Variants in SLC25A32 observed in about 807,000 individuals in gnomAD.
SLC25A32 encodes solute carrier family 25 member 32, also known as Glycine auxotroph B, complementation of hamster.
A neutral mutation model predicts 39.0 loss-of-function variants in SLC25A32; 32 were observed. The observed-to-expected ratio is 0.82, with a 90% CI of 0.62 to 1.10. The LOEUF is 1.10. SLC25A32 is among the 50% of genes least tolerant of loss of function. The probability of loss-of-function intolerance (pLI) is 0.00; values close to 1 mark genes in which losing one functional copy is unlikely to be tolerated. For missense variants in SLC25A32, 367 were observed against 395.3 expected (o/e 0.93, Z 0.61); for synonymous variants, 166 against 152.4 (o/e 1.09, Z -0.66).
At chr8:103,413,137 C>T (rs1456696344) in intron 1 of SLC25A32, among the ~76,000 whole-genome samples, 1 of 152,206 alleles carries the variant, frequency 6.6e-6, no homozygotes, top group African/African-American at 2.4e-5. Flanking sequence ...TTCATCAAGA[C>T]TATTAATCTT....
rs763955483 is a variant in SLC25A32 at position 103,404,839 on chromosome 8, T to C, written c.328A>G (p.Lys110Glu). 2.5e-6 allele frequency: 4 copies of C among 1,612,420 alleles called. No individual in the cohort carries two copies. The highest frequency in any genetic ancestry group is 3.4e-6 in the Non-Finnish European group (4 of 1,178,588). ...AAACGTTCAGCTCTTCCTTCTGTTT[T>C]ATATGACTTGATGGCATTGTAACTA... ...FFFYNAIKSYKTEGRAERLEA... is the reference protein window; with the variant it reads ...FFFYNAIKSYETEGRAERLEA... Residue 110 changes from lysine to glutamate, a missense_variant, in exon 3 of 7, where the codon AAA (lysine) becomes GAA (glutamate). Coordinates refer to ENST00000297578, the MANE Select transcript of SLC25A32 (RefSeq NM_030780.5).
Position 103,401,636 on chromosome 8 carries a change from G to C in SLC25A32, c.692C>G (p.Ala231Gly). The change falls in exon 6 of 7, where the codon GCA (alanine) becomes GGA (glycine). Residue 231 changes from alanine to glycine, a missense_variant. Transcript: ENST00000297578. ...QLSTVEYISVAALSKIFAVAA... is the reference protein window; with the variant it reads ...QLSTVEYISVGALSKIFAVAA... ...GACAGCAAATATTTTGGATAGTGCTGCAACAGATATATATTCTACTGTGCT... is the reference window on the plus strand; with the variant it reads ...GACAGCAAATATTTTGGATAGTGCTCCAACAGATATATATTCTACTGTGCT... 6.2e-7 allele frequency: 1 copy of C among 1,612,788 alleles called. No homozygotes were observed. Among genetic ancestry groups the C allele is most frequent in the Non-Finnish European group, 8.5e-7 (1 of 1,179,372 alleles).
In SLC25A32 at chr8:103,407,686, C is replaced by G. The variant is rs762532485; in HGVS notation, c.253G>C (p.Val85Leu). The part of the protein sequence containing the change: ...LDGLRGLYQG[V>L]TPNIWGAGLS... ...CCTGCACCCCATATATTTGGGGTTA[C>G]TCCTTGATAAAGTCCCCGTAGTCCA... The change falls in exon 2 of 7, where the codon GTA becomes CTA. Residue 85 changes from valine to leucine, a missense_variant. By Grantham distance (32) the Val-to-Leu change is conservative. Transcript: ENST00000297578. 3 of 1,611,354 alleles carry G rather than the reference C, an allele frequency of 1.9e-6. No homozygotes were observed. The highest frequency in any genetic ancestry group is 2.5e-6 in the Non-Finnish European group (3 of 1,178,388).
intron 4 of SLC25A32, 126 bp from the exon 5 acceptor site, chr8:103,402,180 C>A: frequency 1.7e-6 from 1 of 602,818 alleles, no homozygotes; most frequent in South Asian, 2.7e-5. Context: ...TTGCACAAAT[C>A]ACATTTTTAA....
chr8:103,409,196 C>T (rs1816405140), intron 1 of SLC25A32, among the ~76,000 whole-genome samples: 1 of 152,074 alleles, frequency 6.6e-6, no homozygotes, highest in South Asian at 2.1e-4. Flanking sequence ...TCTCAGTAAT[C>T]GGCAACGGCA....
intron 1 of SLC25A32, among the ~76,000 whole-genome samples, chr8:103,409,219 CATACCATTCTACATT>C (rs72006676): frequency 0.22 from 34,056 of 152,082 alleles, 4,026 homozygotes; most frequent in Middle Eastern, 0.31. Flanking sequence ...CTACATTATG[CATACCATTCTACATT>C]ATACTACAGG....
At chr8:103,411,036 T>C (rs770207648) in intron 1 of SLC25A32, among the ~76,000 whole-genome samples, 16 of 152,196 alleles carry the variant, frequency 1.1e-4, no homozygotes, top group Non-Finnish European at 1.5e-4. Flanking sequence ...ATTGAACAGA[T>C]TGCCAGTATC....
At position 103,414,663 on chromosome 8, in the gene SLC25A32, C is replaced by G. The variant is rs190381842; in HGVS notation, c.154+121G>C. Reference sequence around the variant, plus strand: ...TTTCCTCAAATCTAGTTCAGGTTAGCCAACGCGGACAGCAACGCTCCCTTC... The same window carrying G: ...TTTCCTCAAATCTAGTTCAGGTTAGGCAACGCGGACAGCAACGCTCCCTTC... On this transcript the variant is annotated intron_variant, in intron 1 of 6. Coordinates refer to ENST00000297578, the MANE Select transcript of SLC25A32 (RefSeq NM_030780.5). The G allele has an allele frequency of 1.4e-3, 1,990 of 1,384,706 alleles. 23 individuals carry two copies. In the African/African-American group the frequency reaches 0.027, roughly 19 times the overall value. The allele number at this position is 1,384,706 out of a possible 1,614,324, so 85.8% of individuals were successfully genotyped here.
chr8:103,414,909 C>G lies in SLC25A32; in HGVS notation c.29G>C (p.Gly10Ala). 1.2e-6 allele frequency: 2 copies of G among 1,610,390 alleles called. No homozygotes were observed. The highest frequency in any genetic ancestry group is 1.7e-6 in the Non-Finnish European group (2 of 1,178,746). ...GAATACCGTGCTCCACGCCGACGACCCGGACGCCGACTGGCCCTGGCCCGT... is the reference window on the plus strand; with the variant it reads ...GAATACCGTGCTCCACGCCGACGACGCGGACGCCGACTGGCCCTGGCCCGT... MTGQGQSAS[G>A]SSAWSTVFRH... The change falls in exon 1 of 7, where the codon GGG (glycine) becomes GCG (alanine). Residue 10 changes from glycine to alanine, a missense_variant. Coordinates refer to ENST00000297578, the MANE Select transcript of SLC25A32 (RefSeq NM_030780.5).
chr8:103,412,927 G>A (rs961059288), intron 1 of SLC25A32, among the ~76,000 whole-genome samples: 1 of 152,130 alleles, frequency 6.6e-6, no homozygotes, highest in Non-Finnish European at 1.5e-5. Flanking sequence ...ACTCAGCACT[G>A]ATGTTGATAA....
At chr8:103,403,646 A>G (rs1266244325) in intron 3 of SLC25A32, among the ~76,000 whole-genome samples, 6 of 152,204 alleles carry the variant, frequency 3.9e-5, no homozygotes, top group Admixed American at 3.9e-4. Context: ...GGCCTGGTGC[A>G]GAGAACAGAT....
chr8:103,404,034 A>T (rs1438018028), intron 3 of SLC25A32, among the ~76,000 whole-genome samples: 1 of 152,220 alleles, frequency 6.6e-6, no homozygotes, highest in African/African-American at 2.4e-5. Context: ...TTGACTAATC[A>T]ACATTAAGAA....
intron 1 of SLC25A32, among the ~76,000 whole-genome samples, chr8:103,409,911 C>T (rs896844728): frequency 6.6e-6 from 1 of 152,152 alleles, no homozygotes; most frequent in Non-Finnish European, 1.5e-5. Flanking sequence ...AATCATGTAC[C>T]TCACCGGGTT....
chr8:103,401,743 A>G, intron 5 of SLC25A32, 82 bp from the exon 6 acceptor site: 1 of 1,236,686 alleles, frequency 8.1e-7, no homozygotes, highest in East Asian at 2.4e-5. Flanking sequence ...TACAAAAAAC[A>G]TTTAAATGGA....
At chr8:103,414,709 A>G in intron 1 of SLC25A32, 75 bp downstream of exon 1, 2 of 1,590,806 alleles carry the variant, frequency 1.3e-6, no homozygotes, top group South Asian at 2.2e-5. Flanking sequence ...CTCCCCCTAG[A>G]ACGGAAAAGA....
intron 1 of SLC25A32, among the ~76,000 whole-genome samples, chr8:103,412,702 A>G (rs1442474004): frequency 6.6e-6 from 1 of 152,126 alleles, no homozygotes; most frequent in Non-Finnish European, 1.5e-5. Context: ...GAGCTAAACT[A>G]GTTCCTCCAG....
rs1294098510 is a variant in SLC25A32 at position 103,407,790 on chromosome 8, T to C, written c.155-6A>G. ...CAGTTCCAATCCATCACTCACTGCA[T>C]CAAGGGATACACAAAGTCAGGTAAG... On this transcript the variant is annotated splice_polypyrimidine_tract_variant and splice_region_variant and intron_variant, in intron 1 of 6. Transcript: ENST00000297578. 1 of 1,611,910 alleles carries C rather than the reference T, an allele frequency of 6.2e-7. No homozygotes were observed. Among genetic ancestry groups the C allele is most frequent in the Non-Finnish European group, 8.5e-7 (1 of 1,178,710 alleles).
intron 1 of SLC25A32, among the ~76,000 whole-genome samples, chr8:103,411,990 C>G (rs1273427883): frequency 1.3e-5 from 2 of 152,220 alleles, no homozygotes; most frequent in Non-Finnish European, 2.9e-5. Context: ...GCTTGAATCC[C>G]AGTTCTAGCA....
chr8:103,408,275 C>A (rs1016947543), intron 1 of SLC25A32, among the ~76,000 whole-genome samples: 1 of 152,046 alleles, frequency 6.6e-6, no homozygotes, highest in African/African-American at 2.4e-5. Flanking sequence ...GTGTGAGCCA[C>A]TATGCCCAGC....
Sources: gnomAD v4.1 joint callset for allele counts (sites outside exome capture counted in the v4.1 genomes callset) on GRCh38, gnomAD v4.1.1 for gene constraint, MANE v1.5 for transcripts, NCBI Gene and HGNC (gene_info 2026-07-23, HGNC 2026-07-21) for gene names.